The following FYB2 variants were observed in gnomAD, a reference collection of about 807,000 sequenced individuals.
The protein encoded by FYB2 is FYN-binding protein 2.
A neutral mutation model predicts 94.1 loss-of-function variants in FYB2; 103 were observed. That is an observed-to-expected ratio of 1.09 (90% confidence interval 0.93 to 1.29). The LOEUF (loss-of-function observed/expected upper bound fraction) is 1.29. Ranked by LOEUF, FYB2 falls within the 50% of genes most tolerant of loss-of-function variation. FYB2 has a pLI of 0.00. For missense variants in FYB2, 896 were observed against 841.5 expected (o/e 1.06, Z -0.80); for synonymous variants, 293 against 287.9 (o/e 1.02, Z -0.18).
chr1:56,807,640 T>A (rs1444451329), intron 1 of FYB2, among the ~76,000 whole-genome samples: 2 of 152,202 alleles, frequency 1.3e-5, no homozygotes, highest in Non-Finnish European at 2.9e-5. Context: ...CTGCAGTAGA[T>A]GCAGTGCATC....
At chr1:56,731,096 CAAAA>C (rs1444328556) in intron 15 of FYB2, among the ~76,000 whole-genome samples, 2 of 151,328 alleles carry the variant, frequency 1.3e-5, no homozygotes, top group African/African-American at 2.4e-5. Flanking sequence ...CAAAACAAAA[CAAAA>C]AAACCCAACT....
At chr1:56,764,005 C>T (rs979331295) in intron 5 of FYB2, among the ~76,000 whole-genome samples, 2 of 150,464 alleles carry the variant, frequency 1.3e-5, no homozygotes, top group Non-Finnish European at 2.9e-5. Flanking sequence ...GGCTGGAGTG[C>T]GATGGTGTGA....
chr1:56,787,071 G>A, intron 4 of FYB2, 104 bp downstream of exon 4: 2 of 1,281,042 alleles, frequency 1.6e-6, no homozygotes, highest in Non-Finnish European at 2.3e-6. Flanking sequence ...AAACCCTTCT[G>A]AGAAATACAG....
intron 9 of FYB2, among the ~76,000 whole-genome samples, chr1:56,747,119 T>C (rs1645085280): frequency 6.6e-6 from 1 of 151,970 alleles, no homozygotes; most frequent in Non-Finnish European, 1.5e-5. Context: ...GTTTTCTGAA[T>C]ACCAAGCATT....
intron 14 of FYB2, chr1:56,737,670 C>A (rs951921883): frequency 6.6e-6 from 1 of 152,160 alleles, no homozygotes; most frequent in Non-Finnish European, 1.5e-5. Context: ...AATAATTAGG[C>A]ATTTTCATTT....
chr1:56,796,735 T>G (rs1646408860), intron 1 of FYB2, among the ~76,000 whole-genome samples: 1 of 152,170 alleles, frequency 6.6e-6, no homozygotes, highest in African/African-American at 2.4e-5. Context: ...CCTTCTAGCC[T>G]CACTAAATTG....
At chr1:56,731,122 C>T (rs1644699611) in intron 15 of FYB2, among the ~76,000 whole-genome samples, 1 of 151,958 alleles carries the variant, frequency 6.6e-6, no homozygotes. Flanking sequence ...ACTCCCAGGA[C>T]ATCCTTCCTG....
At chr1:56,781,308 C>A (rs1382099979) in intron 4 of FYB2, among the ~76,000 whole-genome samples, 2 of 152,174 alleles carry the variant, frequency 1.3e-5, no homozygotes, top group African/African-American at 4.8e-5. Context: ...ATGGGAACAG[C>A]AAATAACCTC....
intron 1 of FYB2, among the ~76,000 whole-genome samples, chr1:56,799,981 A>G (rs574201651): frequency 6.6e-6 from 1 of 152,208 alleles, no homozygotes; most frequent in Admixed American, 6.5e-5. Context: ...CACATTTCCT[A>G]ATTGGAAAAT....
rs557525062 is a variant in FYB2 at position 56,792,773 on chromosome 1, C to T, written c.40G>A (p.Ala14Thr). ...EGVRNFKELR[A>T]KFQNLDAPPL... is the part of the protein sequence containing the mutation. Reference sequence around the variant, plus strand: ...GGAGCATCAAGATTTTGAAATTTGGCTCGAAGTTCCTTGAAGTTTCTTACC... The same window carrying T: ...GGAGCATCAAGATTTTGAAATTTGGTTCGAAGTTCCTTGAAGTTTCTTACC... Residue 14 changes from alanine (A) to threonine (T), a missense_variant, in exon 2 of 20, where the codon GCC becomes ACC. By Grantham distance (58) the Ala-to-Thr change is moderately conservative. Transcript: ENST00000343433. The T allele has an allele frequency of 7.8e-5, 126 of 1,613,054 alleles. No individual in the cohort carries two copies. The South Asian group carries it at 1.3e-3, about 17-fold the overall frequency.
intron 15 of FYB2, among the ~76,000 whole-genome samples, chr1:56,729,999 CAACAT>C (rs913157180): frequency 2.6e-5 from 4 of 151,736 alleles, no homozygotes; most frequent in African/African-American, 9.7e-5. Context: ...AATAGAAACA[CAACAT>C]ATCAAACTTA....
intron 4 of FYB2, among the ~76,000 whole-genome samples, chr1:56,771,345 T>TA (rs1341833542): frequency 1.3e-5 from 2 of 151,804 alleles, no homozygotes; most frequent in East Asian, 1.9e-4. Context: ...CACAGCTTCG[T>TA]AAAAAAAAGT....
Position 56,818,924 on chromosome 1 carries a change from C to G in FYB2, c.9+358G>C, listed in dbSNP as rs17114407. Among the ~76,000 whole-genome samples, 1,410 of 152,256 alleles carry G rather than the reference C, an allele frequency of 9.3e-3. 23 individuals carry two copies. Among genetic ancestry groups the G allele is most frequent in the African/African-American group, 0.031 (1,288 of 41,548 alleles). ...CGCTAATCACTGCAGAGGCCAGATA[C>G]AGTCCACAAGGGCAAGTAAACACAG... On this transcript the variant is annotated intron_variant, in intron 1 of 19. Coordinates refer to ENST00000343433, the MANE Select transcript of FYB2 (RefSeq NM_001004303.5).
intron 1 of FYB2, among the ~76,000 whole-genome samples, chr1:56,813,491 G>T (rs989638049): frequency 6.6e-6 from 1 of 152,150 alleles, no homozygotes; most frequent in Non-Finnish European, 1.5e-5. Context: ...CTCCTGCCAG[G>T]TCCCTCCCAT....
intron 9 of FYB2, among the ~76,000 whole-genome samples, chr1:56,749,075 A>G (rs1645135573): frequency 6.8e-6 from 1 of 147,610 alleles, no homozygotes; most frequent in South Asian, 2.1e-4. Context: ...TTTGTGGGTG[A>G]TTGGTTTTTC....
chr1:56,794,330 A>T (rs1557657299), intron 1 of FYB2, among the ~76,000 whole-genome samples: 1 of 152,138 alleles, frequency 6.6e-6, no homozygotes, highest in East Asian at 1.9e-4. Context: ...ACTGCATTAG[A>T]TTTTGTAAAT....
intron 1 of FYB2, among the ~76,000 whole-genome samples, chr1:56,808,062 A>T (rs1365145193): frequency 6.6e-6 from 1 of 152,182 alleles, no homozygotes; most frequent in Non-Finnish European, 1.5e-5. Flanking sequence ...TTTGGATTTA[A>T]CAATGAGGTC....
chr1:56,755,333 C>A (rs770694326), intron 7 of FYB2, among the ~76,000 whole-genome samples: 3 of 151,996 alleles, frequency 2.0e-5, no homozygotes, highest in Non-Finnish European at 2.9e-5. Flanking sequence ...TGCAAACAGA[C>A]CTTACAGTGG....
upstream of FYB2, among the ~76,000 whole-genome samples, chr1:56,821,654 C>T (rs1646993286): frequency 6.6e-6 from 1 of 152,152 alleles, no homozygotes; most frequent in Non-Finnish European, 1.5e-5. Context: ...CTTTCTTTCC[C>T]CTCTCCTCCT....
Sources: allele counts gnomAD v4.1 joint callset (sites outside exome capture counted in the v4.1 genomes callset), GRCh38; gene constraint gnomAD v4.1.1; transcripts MANE v1.5; gene names NCBI Gene and HGNC (gene_info 2026-07-23, HGNC 2026-07-21).